The following RGS9 variants were observed in gnomAD, a reference collection of about 807,000 sequenced individuals.
RGS9 encodes the protein regulator of G-protein signalling 9.
In RGS9, 78 loss-of-function variants were observed where a neutral mutation model predicts 102.0. The observed-to-expected ratio is 0.76, with a 90% CI of 0.64 to 0.92. RGS9 has a LOEUF of 0.92. Ranked by LOEUF, RGS9 falls within the 40% of genes least tolerant of loss-of-function variation. The pLI is 0.00. For missense variants in RGS9, 833 were observed against 866.1 expected (o/e 0.96, Z 0.48); for synonymous variants, 353 against 318.6 (o/e 1.11, Z -1.15).
At chr17:65,174,152 G>A (rs1156278576) in intron 8 of RGS9, among the ~76,000 whole-genome samples, 1 of 152,198 alleles carries the variant, frequency 6.6e-6, no homozygotes, top group East Asian at 1.9e-4. Context: ...GGCAGCTGAG[G>A]GCATAGAGGA....
At chr17:65,153,699 G>A (rs1910668253) in intron 2 of RGS9, among the ~76,000 whole-genome samples, 181 bp downstream of exon 2, 1 of 151,550 alleles carries the variant, frequency 6.6e-6, no homozygotes, top group African/African-American at 2.4e-5. Context: ...AGACCATCCT[G>A]GCTAACACGG....
chr17:65,204,055 C>T, intron 14 of RGS9, 108 bp from the exon 15 acceptor site: 1 of 1,345,146 alleles, frequency 7.4e-7, no homozygotes, highest in South Asian at 1.2e-5. Flanking sequence ...CCACCACCCT[C>T]ACCCTCGGTA....
At chr17:65,203,648 T>A (rs1912937551) in intron 14 of RGS9, among the ~76,000 whole-genome samples, 1 of 152,206 alleles carries the variant, frequency 6.6e-6, no homozygotes, top group Non-Finnish European at 1.5e-5. Context: ...TTGGTCTAAT[T>A]GGGAGCCTTG....
chr17:65,186,645 C>T (rs929529987), intron 9 of RGS9, among the ~76,000 whole-genome samples: 1 of 152,194 alleles, frequency 6.6e-6, no homozygotes. Flanking sequence ...TCTCAACAAT[C>T]GCTCTTCAGC....
intron 14 of RGS9, 25 bp downstream of exon 14, chr17:65,202,105 A>G (rs1257333144): frequency 1.3e-6 from 2 of 1,562,430 alleles, no homozygotes; most frequent in African/African-American, 2.7e-5. Flanking sequence ...GGGTGCTGGA[A>G]AGCCTTCCCT....
intron 1 of RGS9, among the ~76,000 whole-genome samples, chr17:65,148,632 C>T (rs1329375716): frequency 6.6e-6 from 1 of 152,206 alleles, no homozygotes; most frequent in Non-Finnish European, 1.5e-5. Flanking sequence ...GCCTGGTCCT[C>T]ACCATCTAGG....
intron 3 of RGS9, 27 bp downstream of exon 3, chr17:65,158,372 T>A (rs746581986): frequency 6.2e-7 from 1 of 1,608,732 alleles, no homozygotes; most frequent in African/African-American, 1.3e-5. Flanking sequence ...CACTCAGTTA[T>A]CCGGGACAGC....
intron 7 of RGS9, among the ~76,000 whole-genome samples, chr17:65,163,605 C>A (rs1244866264): frequency 6.6e-6 from 1 of 152,250 alleles, no homozygotes; most frequent in South Asian, 2.1e-4. Flanking sequence ...AAAGAATAGG[C>A]TATGGTGCTG....
chr17:65,219,041 T>C lies in RGS9; in HGVS notation c.1408-5961T>C, dbSNP rs558725501. Among the ~76,000 whole-genome samples the C allele has an allele frequency of 3.0e-4, 46 of 152,302 alleles. No individual in the cohort carries two copies. In the South Asian group the frequency reaches 8.9e-3, roughly 29 times the overall value. On this transcript the variant is annotated intron_variant, in intron 17 of 18. Coordinates refer to ENST00000262406, the MANE Select transcript of RGS9 (RefSeq NM_003835.4). Reference sequence around the variant, plus strand: ...GAGACTTGGGGAGATCAGCAGAGGCTAAAGCAGAGGGGTGGGCAGGGCCAG... The same window carrying C: ...GAGACTTGGGGAGATCAGCAGAGGCCAAAGCAGAGGGGTGGGCAGGGCCAG...
intron 7 of RGS9, among the ~76,000 whole-genome samples, chr17:65,163,752 G>A (rs1911073624): frequency 2.6e-5 from 4 of 152,144 alleles, no homozygotes; most frequent in Middle Eastern, 3.2e-3. Flanking sequence ...TGAGAGGAAG[G>A]GGCTCTCAGC....
chr17:65,225,900 C>G (rs1905649118), intron 18 of RGS9, among the ~76,000 whole-genome samples: 1 of 152,214 alleles, frequency 6.6e-6, no homozygotes, highest in African/African-American at 2.4e-5. Flanking sequence ...CCAGCCCCTC[C>G]CTCACCATAA....
At chr17:65,204,356 T>A in intron 15 of RGS9, 55 bp downstream of exon 15, 1 of 1,597,058 alleles carries the variant, frequency 6.3e-7, no homozygotes, top group Non-Finnish European at 8.6e-7. Flanking sequence ...TGTCACTAAG[T>A]ACCCGGAAAA....
chr17:65,224,672 G>T (rs1905536490), intron 17 of RGS9, among the ~76,000 whole-genome samples: 1 of 152,198 alleles, frequency 6.6e-6, no homozygotes, highest in African/African-American at 2.4e-5. Context: ...GGGGACTGGA[G>T]TTGAGGGGTG....
At chr17:65,143,841 T>C (rs918027270) in intron 1 of RGS9, among the ~76,000 whole-genome samples, 4 of 149,510 alleles carry the variant, frequency 2.7e-5, no homozygotes, top group African/African-American at 9.9e-5. Context: ...CACATGCCTG[T>C]AGTCTTAGCT....
rs1474674079 is a variant in RGS9, at chr17:65,193,559, G to C, written c.763G>C (p.Glu255Gln). 6.2e-7 allele frequency: 1 copy of C among 1,611,348 alleles called. No individual in the cohort carries two copies. The highest frequency in any genetic ancestry group is 8.5e-7 in the Non-Finnish European group (1 of 1,177,586). ...CCTTTTCAGGATTGTGAAATACAGT[G>C]AGCAGTTCTCATCCAACGATGCCAT... The part of the protein sequence containing the change: ...VSLGGIVKYS[E>Q]QFSSNDAIMS... The change falls in exon 12 of 19, where the codon GAG becomes CAG. Residue 255 changes from glutamate to glutamine, a missense_variant. Glu to Gln is a conservative substitution (Grantham distance 29). Coordinates refer to ENST00000262406, the MANE Select transcript of RGS9 (RefSeq NM_003835.4).
intron 9 of RGS9, among the ~76,000 whole-genome samples, chr17:65,183,530 C>T (rs992440609): frequency 2.6e-5 from 4 of 152,178 alleles, no homozygotes; most frequent in African/African-American, 9.7e-5. Context: ...CTCCTGGGCT[C>T]AAGCGATCCA....
At position 65,227,591 on chromosome 17, in the gene RGS9, T is replaced by G; in HGVS notation, c.*184T>G. ...CTCTGGCTGGTTACCAGGGGCCAAC[T>G]CCTTCTCCTCTTCCTGACCCTCCCT... On this transcript the variant is annotated 3_prime_UTR_variant, in exon 19 of 19. Coordinates refer to ENST00000262406, the MANE Select transcript of RGS9 (RefSeq NM_003835.4). 1.3e-6 allele frequency: 1 copy of G among 765,278 alleles called. No homozygotes were observed. Among genetic ancestry groups the G allele is most frequent in the South Asian group, 1.7e-5 (1 of 59,866 alleles). The allele number at this position is 765,278 out of a possible 1,614,324, so 47.4% of individuals were successfully genotyped here. A position where few individuals can be genotyped will look rare whatever the true frequency, so the allele number is the denominator to read the frequency against.
At chr17:65,221,443 A>G (rs1913704285) in intron 17 of RGS9, among the ~76,000 whole-genome samples, 1 of 152,198 alleles carries the variant, frequency 6.6e-6, no homozygotes, top group South Asian at 2.1e-4. Flanking sequence ...GACAAAGCCG[A>G]GTTCCTAGTT....
At chr17:65,163,328 C>G (rs1911059000) in intron 7 of RGS9, among the ~76,000 whole-genome samples, 1 of 151,408 alleles carries the variant, frequency 6.6e-6, no homozygotes, top group South Asian at 2.1e-4. Context: ...CACCCAGCAC[C>G]ATGCCTGGCT....
Sources: allele counts gnomAD v4.1 joint callset (sites outside exome capture counted in the v4.1 genomes callset), GRCh38; gene constraint gnomAD v4.1.1; transcripts MANE v1.5; gene names NCBI Gene and HGNC (gene_info 2026-07-23, HGNC 2026-07-21).